SCML2: variants seen among roughly 807,000 people sequenced by gnomAD.
SCML2 encodes Scm polycomb group protein like 2, also known as sex comb on midleg-like protein 2.
Under a neutral mutation model 48.4 loss-of-function variants are expected in SCML2, and 6 were observed. That is an observed-to-expected ratio of 0.12 (90% confidence interval 0.07 to 0.24). The LOEUF is 0.24. Among genes scored for constraint, SCML2 ranks in the 10% least tolerant of loss-of-function variants. SCML2 has a pLI of 1.00. For synonymous variants in SCML2, 181 were observed against 189.5 expected (o/e 0.95, Z 0.37); for missense variants, 377 against 528.2 (o/e 0.71, Z 2.81).
At chrX:18,320,478 AGTTGGT>A in intron 5 of SCML2, 58 bp from the exon 6 acceptor site, 1 of 729,976 alleles carries the variant, frequency 1.4e-6, no homozygotes, top group Admixed American at 3.0e-5. Context: ...ACTATTAACA[AGTTGGT>A]ATAAAAAATA....
rs1354418550 is a variant in SCML2, at chrX:18,319,595, C to CAAA, written c.486+734_486+736dup. On this transcript the variant is annotated intron_variant, in intron 6 of 14. Transcript: ENST00000251900. ...CTGGGTGACAGGTGAGACTCTGTCT[C>CAAA]AAAAAAAAAAAACAAAAAAAAAAAA... Among the ~76,000 whole-genome samples, 158 of 33,925 alleles carry CAAA rather than the reference C, an allele frequency of 4.7e-3. 5 individuals are homozygous for CAAA. Among genetic ancestry groups the CAAA allele is most frequent in the African/African-American group, 0.016 (149 of 9,558 alleles). 29.5% of individuals were successfully genotyped at this position (33,925 alleles called of 115,157 possible). A position where few individuals can be genotyped will look rare whatever the true frequency, so the allele number is the denominator to read the frequency against.
At position 18,334,057 on chromosome X, in the gene SCML2, C is replaced by T. The variant is rs772076777; in HGVS notation, c.15G>A (p.Val5=). 8.4e-7 allele frequency: 1 copy of T among 1,195,253 alleles called. No homozygotes were observed. The highest frequency in any genetic ancestry group is 2.3e-5 in the Admixed American group (1 of 44,189). The change falls in exon 2 of 15, where the codon GTG becomes GTA. Residue 5 remains valine, a synonymous_variant. Coordinates refer to ENST00000251900, the MANE Select transcript of SCML2 (RefSeq NM_006089.3). ...TTAACAAGTAAATCTTACCTTCATTCACTGTTTGTCCCATGGTATCCCTAT... is the reference window on the plus strand; with the variant it reads ...TTAACAAGTAAATCTTACCTTCATTTACTGTTTGTCCCATGGTATCCCTAT... MGQT[V]NEDSMDVKKE... is the part of the protein sequence containing the mutation.
At chrX:18,323,751 C>T in intron 5 of SCML2, 108 bp downstream of exon 5, 1 of 555,317 alleles carries the variant, frequency 1.8e-6, no homozygotes, top group East Asian at 3.4e-5. Context: ...ACCTGACCAT[C>T]TATTTGCAAG....
intron 1 of SCML2, among the ~76,000 whole-genome samples, chrX:18,340,277 G>A (rs1417253515): frequency 9.0e-6 from 1 of 111,130 alleles, no homozygotes; most frequent in East Asian, 2.8e-4. Context: ...AGCAAGCCAT[G>A]GTGGCACACA....
chrX:18,319,533 G>A (rs770405058), intron 6 of SCML2, among the ~76,000 whole-genome samples: 5 of 101,970 alleles, frequency 4.9e-5, no homozygotes, highest in Non-Finnish European at 9.8e-5. Flanking sequence ...GGAGGCAGAG[G>A]TTGCAGTGAG....
At chrX:18,264,695 A>T (rs1927198438) in intron 8 of SCML2, among the ~76,000 whole-genome samples, 1 of 111,305 alleles carries the variant, frequency 9.0e-6, no homozygotes, top group South Asian at 3.7e-4. Context: ...TTCTCTGATA[A>T]TTGTTATTTC....
At chrX:18,274,967 C>T (rs997944580) in intron 7 of SCML2, among the ~76,000 whole-genome samples, 5 of 112,189 alleles carry the variant, frequency 4.5e-5, no homozygotes, top group Admixed American at 1.9e-4. Context: ...CCTCATATCA[C>T]AACCCAGACA....
At chrX:18,244,314 T>C (rs1408585789) in intron 13 of SCML2, among the ~76,000 whole-genome samples, 4 of 111,818 alleles carry the variant, frequency 3.6e-5, no homozygotes, top group East Asian at 2.8e-4. Context: ...AAAAAAATCA[T>C]TGGCAAAGCT....
chrX:18,256,472 G>A (rs1433598125), intron 11 of SCML2, among the ~76,000 whole-genome samples: 2 of 110,930 alleles, frequency 1.8e-5, no homozygotes, highest in African/African-American at 3.3e-5. Context: ...CAACAAAACC[G>A]TATCATCATT....
intron 1 of SCML2, among the ~76,000 whole-genome samples, chrX:18,341,700 GA>G (rs1383138252): frequency 4.8e-5 from 5 of 104,979 alleles, no homozygotes; most frequent in Admixed American, 1.0e-4. Context: ...CACAAATTCA[GA>G]AAAAAAAAAG....
intron 11 of SCML2, among the ~76,000 whole-genome samples, chrX:18,256,069 C>T: frequency 8.9e-6 from 1 of 111,978 alleles, no homozygotes; most frequent in African/African-American, 3.2e-5. Context: ...TTTGGTTCTA[C>T]AGGGCTATCT....
chrX:18,249,018 C>T (rs1283533005), intron 11 of SCML2, among the ~76,000 whole-genome samples: 1 of 111,261 alleles, frequency 9.0e-6, no homozygotes, highest in Non-Finnish European at 1.9e-5. Flanking sequence ...CAAAGTGTTC[C>T]TACAGAGATA....
chrX:18,345,922 ATT>A (rs761796032), intron 1 of SCML2, among the ~76,000 whole-genome samples: 5 of 98,310 alleles, frequency 5.1e-5, no homozygotes, highest in Admixed American at 2.2e-4. Context: ...TCAGCAACTA[ATT>A]TTTTTTTTTT....
intron 1 of SCML2, among the ~76,000 whole-genome samples, chrX:18,353,134 G>GAA (rs149576101): frequency 2.5e-4 from 14 of 55,962 alleles, no homozygotes; most frequent in Non-Finnish European, 3.2e-4. Context: ...CCATTAAATA[G>GAA]AAAAAAAAAA....
intron 11 of SCML2, among the ~76,000 whole-genome samples, chrX:18,254,545 T>A: frequency 8.9e-6 from 1 of 112,758 alleles, no homozygotes; most frequent in South Asian, 3.6e-4. Flanking sequence ...TGTGTTCAAT[T>A]TAAAGAAGAA....
chrX:18,325,790 A>G (rs1005545275), intron 3 of SCML2, among the ~76,000 whole-genome samples: 3 of 112,015 alleles, frequency 2.7e-5, no homozygotes, highest in African/African-American at 9.7e-5. Context: ...ATGATGTTTA[A>G]TTCTCATCAT....
Position 18,299,549 on chromosome X carries a change from T to C in SCML2, c.730+5423A>G, listed in dbSNP as rs185834287. On this transcript the variant is annotated intron_variant, in intron 7 of 14. Coordinates refer to ENST00000251900, the MANE Select transcript of SCML2 (RefSeq NM_006089.3). ...AAAAAAAGTGGACAAAGGATCTGAA[T>C]AGACACTTCTCAAAACAATACATAC... is the stretch of plus-strand genomic sequence containing the variant. Among the ~76,000 whole-genome samples the C allele has an allele frequency of 4.6e-4, 51 of 109,749 alleles. 1 individual carries two copies. In the East Asian group the frequency reaches 0.013, roughly 29 times the overall value.
chrX:18,317,833 CA>C (rs35128193), intron 6 of SCML2, among the ~76,000 whole-genome samples: 83 of 38,517 alleles, frequency 2.2e-3, no homozygotes, highest in Admixed American at 5.2e-3. Context: ...GACTCCGTCT[CA>C]AAAAAAAAAA....
At chrX:18,253,009 T>C (rs1458277802) in intron 11 of SCML2, among the ~76,000 whole-genome samples, 1 of 111,714 alleles carries the variant, frequency 9.0e-6, no homozygotes. Flanking sequence ...ATTGTGTGTT[T>C]GTGGCAAACA....
Sources: allele counts gnomAD v4.1 joint callset (sites outside exome capture counted in the v4.1 genomes callset), GRCh38; gene constraint gnomAD v4.1.1; transcripts MANE v1.5; gene names NCBI Gene and HGNC (gene_info 2026-07-23, HGNC 2026-07-21).